ADCY1: variants seen among roughly 807,000 people sequenced by gnomAD.
The protein encoded by ADCY1 is adenylate cyclase 1.
In ADCY1, 28 loss-of-function variants were observed where a neutral mutation model predicts 105.4. The ratio of observed to expected loss-of-function variants is 0.27; its 90% CI spans 0.20 to 0.36. The LOEUF is 0.36. Among genes scored for constraint, ADCY1 ranks in the 10% least tolerant of loss-of-function variants. The pLI, the probability that ADCY1 is intolerant of heterozygous loss-of-function variation, is 1.00. For missense variants in ADCY1, 977 were observed against 1,434.2 expected, an observed-to-expected ratio of 0.68 and a Z score of 5.15; for synonymous variants, 655 against 623.8, an observed-to-expected ratio of 1.05 and a Z score of -0.75.
intron 2 of ADCY1, among the ~76,000 whole-genome samples, chr7:45,593,860 A>G (rs1280815486): frequency 6.6e-6 from 1 of 152,272 alleles, no homozygotes; most frequent in Non-Finnish European, 1.5e-5. Context: ...TAGGAAATAG[A>G]TCACATATGT....
At chr7:45,680,347 G>A (rs1231867836) in intron 11 of ADCY1, 1 of 171,610 alleles carries the variant, frequency 5.8e-6, no homozygotes, top group Non-Finnish European at 1.3e-5. Context: ...GCTTTGCTCT[G>A]TGGGCTTTTG....
In ADCY1 at chr7:45,710,021, C is replaced by T. The variant is rs563512834; in HGVS notation, c.2933-507C>T. Among the ~76,000 whole-genome samples, 84 of 152,346 alleles carry T rather than the reference C, an allele frequency of 5.5e-4. No homozygotes were observed. The highest frequency in any genetic ancestry group is 1.0e-3 in the Non-Finnish European group (69 of 68,030). On this transcript the variant is annotated intron_variant, in intron 18 of 19. Coordinates refer to ENST00000297323, the MANE Select transcript of ADCY1 (RefSeq NM_021116.4). This position sits in a 1 kb window ranked among gnomAD's most constrained non-coding sequence, Gnocchi z 4.7. ...GAGAAGATACTCCCTCTCCTCCCTT[C>T]AGAGCATTCTGCACCATCTTGCTTA...
intron 8 of ADCY1, among the ~76,000 whole-genome samples, chr7:45,663,346 C>T (rs1410793317): frequency 1.3e-5 from 2 of 152,186 alleles, no homozygotes; most frequent in African/African-American, 4.8e-5. Context: ...GTCCAGAGTT[C>T]AGGGGAATGT....
chr7:45,697,984 C>G (rs1050534740), intron 14 of ADCY1, among the ~76,000 whole-genome samples: 2 of 152,162 alleles, frequency 1.3e-5, no homozygotes, highest in African/African-American at 4.8e-5. Flanking sequence ...TCCAATTCCC[C>G]CAGCTATGAC....
chr7:45,653,004 C>A (rs1252925364), intron 5 of ADCY1, among the ~76,000 whole-genome samples: 1 of 152,184 alleles, frequency 6.6e-6, no homozygotes, highest in Admixed American at 6.5e-5. Context: ...AACTTGGGCT[C>A]TATTTAGGAG....
Position 45,711,117 on chromosome 7 carries a change from T to G in ADCY1, c.3057+465T>G, listed in dbSNP as rs551274058. Among the ~76,000 whole-genome samples the G allele has an allele frequency of 2.6e-5, 4 of 152,180 alleles. No individual in the cohort carries two copies. The South Asian group carries it at 8.3e-4, about 32-fold the overall frequency. On this transcript the variant is annotated intron_variant, in intron 19 of 19. Transcript: ENST00000297323. ...ACACCCTCTAAAAGCCATGGAAAGG[T>G]TTAGAAGGCAGCAGCCTCTGCTTTT... is the stretch of plus-strand genomic sequence containing the variant.
chr7:45,666,871 A>AT (rs1204074552), intron 8 of ADCY1, among the ~76,000 whole-genome samples: 2 of 152,302 alleles, frequency 1.3e-5, no homozygotes, highest in South Asian at 4.1e-4. Flanking sequence ...CATTTCTCTG[A>AT]TGGCCAGTGA....
intron 1 of ADCY1, among the ~76,000 whole-genome samples, chr7:45,576,746 C>T (rs1792360556): frequency 6.6e-6 from 1 of 152,066 alleles, no homozygotes; most frequent in Non-Finnish European, 1.5e-5. Flanking sequence ...GCCCCCACAG[C>T]CAGACCCGCA....
At chr7:45,707,503 G>T (rs537102460) in intron 17 of ADCY1, among the ~76,000 whole-genome samples, 1 of 152,308 alleles carries the variant, frequency 6.6e-6, no homozygotes, top group South Asian at 2.1e-4. Context: ...AAAAGGATTA[G>T]TGGTTGCTGG....
intron 18 of ADCY1, among the ~76,000 whole-genome samples, chr7:45,709,029 AT>A (rs2116274541): frequency 6.6e-6 from 1 of 152,284 alleles, no homozygotes; most frequent in South Asian, 2.1e-4. Flanking sequence ...CCAGAAATAA[AT>A]TCTACTAGTC....
intron 14 of ADCY1, among the ~76,000 whole-genome samples, chr7:45,694,127 A>AC (rs1224427532): frequency 1.3e-5 from 2 of 150,906 alleles, no homozygotes; most frequent in Non-Finnish European, 3.0e-5. Context: ...AAAAAAAAAA[A>AC]AAAAAAAAAA....
intron 4 of ADCY1, among the ~76,000 whole-genome samples, chr7:45,636,374 T>G (rs1794398441): frequency 6.6e-6 from 1 of 152,236 alleles, no homozygotes. Context: ...TGCTGTATTG[T>G]TTGGGGAATA....
chr7:45,648,576 G>C, intron 4 of ADCY1, 94 bp from the exon 5 acceptor site: 1 of 1,546,432 alleles, frequency 6.5e-7, no homozygotes, highest in South Asian at 1.2e-5. Flanking sequence ...CCAGCGCTCT[G>C]TGGCCACCAG....
At position 45,710,640 on chromosome 7, in the gene ADCY1, G is replaced by A. The variant is rs1387268813; in HGVS notation, c.3045G>A (p.Gln1015=). 1.2e-6 allele frequency: 2 copies of A among 1,613,644 alleles called. No homozygotes were observed. The highest frequency in any genetic ancestry group is 1.7e-5 in the Admixed American group (1 of 59,954). Residue 1015 remains glutamine, a synonymous_variant, in exon 19 of 20, where the codon CAG becomes CAA. Transcript: ENST00000297323. The surrounding 1 kb of genome is among the most constrained non-coding windows in gnomAD (Gnocchi z 4.7). ...VASRMDSTGV[Q]GRIQVTEEVH... ...GTCGGATGGATAGCACAGGGGTCCA[G>A]GGCAGAATCCAGGTCAGTTCACCAA...
intron 1 of ADCY1, among the ~76,000 whole-genome samples, chr7:45,578,398 C>A (rs572826798): frequency 3.7e-4 from 56 of 152,286 alleles, no homozygotes; most frequent in African/African-American, 1.2e-3. Context: ...ACCTATATGA[C>A]ATACAATCCA....
At chr7:45,705,160 A>T (rs968111761) in intron 17 of ADCY1, among the ~76,000 whole-genome samples, 1 of 152,206 alleles carries the variant, frequency 6.6e-6, no homozygotes, top group African/African-American at 2.4e-5. Flanking sequence ...AAGAAATTAC[A>T]CCAGTTCTCT....
intron 8 of ADCY1, among the ~76,000 whole-genome samples, chr7:45,676,426 T>C (rs1379746735): frequency 6.6e-6 from 1 of 152,208 alleles, no homozygotes; most frequent in African/African-American, 2.4e-5. Context: ...GTGGTTTCTT[T>C]TTTTTTATGT....
At position 45,686,354 on chromosome 7, in the gene ADCY1, T is replaced by G; in HGVS notation, c.2327+139T>G. On this transcript the variant is annotated intron_variant, in intron 13 of 19. Transcript: ENST00000297323. The surrounding 1 kb of genome is among the most constrained non-coding windows in gnomAD (Gnocchi z 4.3). ...CACAATTTTTAGTTTGGTGGCTGCT[T>G]CTCTTCAACCCAAGTTCTAGCAAGG... is the stretch of plus-strand genomic sequence containing the variant. The G allele has an allele frequency of 2.8e-6, 4 of 1,422,986 alleles. No individual in the cohort carries two copies. The highest frequency in any genetic ancestry group is 3.8e-6 in the Non-Finnish European group (4 of 1,063,266). The allele number at this position is 1,422,986 out of a possible 1,614,324, so 88.1% of individuals were successfully genotyped here. A position where few individuals can be genotyped will look rare whatever the true frequency, so the allele number is the denominator to read the frequency against.
chr7:45,671,671 C>T (rs1784370758), intron 8 of ADCY1, among the ~76,000 whole-genome samples: 1 of 152,194 alleles, frequency 6.6e-6, no homozygotes, highest in Admixed American at 6.5e-5. Context: ...TCACTGATGG[C>T]TAAGGATGTT....
Sources: allele counts gnomAD v4.1 joint callset (sites outside exome capture counted in the v4.1 genomes callset), GRCh38; gene constraint gnomAD v4.1.1; non-coding constraint Gnocchi (gnomAD v3.1); transcripts MANE v1.5; gene names NCBI Gene and HGNC (gene_info 2026-07-23, HGNC 2026-07-21).